NOP14: variants seen among roughly 807,000 people sequenced by gnomAD.
NOP14 encodes the protein nucleolar protein 14.
Under a neutral mutation model 101.6 loss-of-function variants are expected in NOP14, and 57 were observed. That is an observed-to-expected ratio of 0.56 (90% CI 0.45 to 0.70). The LOEUF (loss-of-function observed/expected upper bound fraction) is 0.70, where lower values mean the gene tolerates loss of function less well. NOP14 is among the 30% of genes least tolerant of loss of function. The pLI is 0.00. For synonymous variants in NOP14, 428 were observed against 424.0 expected, an observed-to-expected ratio of 1.01 and a Z score of -0.12; for missense variants, 1,134 against 1,075.5, an observed-to-expected ratio of 1.05 and a Z score of -0.76.
At chr4:2,939,134 A>C (rs1713927746) in intron 17 of NOP14, 54 bp downstream of exon 17, 7 of 1,608,130 alleles carry the variant, frequency 4.4e-6, no homozygotes, top group African/African-American at 1.3e-5. Context: ...AGGGCCACAC[A>C]GCACCAAAGC....
chr4:2,949,832 C>T, intron 8 of NOP14, 102 bp downstream of exon 8: 1 of 1,372,872 alleles, frequency 7.3e-7, no homozygotes, highest in East Asian at 2.3e-5. Flanking sequence ...CCTTGGTCCC[C>T]ATTCCACAAA....
Position 2,952,139 on chromosome 4 carries a change from A to G in NOP14, c.870+136T>C, listed in dbSNP as rs1036218069. ...AAAAAAAAAAAGGTATTCATGAATA[A>G]ATATAAACTTTAAATAGACTAAAAT... On this transcript the variant is annotated intron_variant, in intron 6 of 17. Transcript: ENST00000416614. The G allele has an allele frequency of 5.9e-6, 5 of 850,780 alleles. No homozygotes were observed. The Admixed American group carries it at 1.6e-4, about 27-fold the overall frequency. 52.7% of individuals were successfully genotyped at this position (850,780 alleles called of 1,614,324 possible).
At chr4:2,942,437 C>T in intron 13 of NOP14, 86 bp from the exon 14 acceptor site, 1 of 1,344,490 alleles carries the variant, frequency 7.4e-7, no homozygotes, top group Non-Finnish European at 1.0e-6. Context: ...TGTGGAAGTT[C>T]ACCCTCTAAC....
intron 3 of NOP14, 67 bp downstream of exon 3, chr4:2,956,603 G>C: frequency 6.8e-7 from 1 of 1,467,204 alleles, no homozygotes; most frequent in Admixed American, 2.3e-5. Flanking sequence ...AGAGCAGAAG[G>C]TCTAACAATG....
Position 2,950,061 on chromosome 4 carries a change from G to T in NOP14, c.1155C>A (p.Asn385Lys). 1 of 1,613,978 alleles carries T rather than the reference G, an allele frequency of 6.2e-7. No homozygotes were observed. The highest frequency in any genetic ancestry group is 8.5e-7 in the Non-Finnish European group (1 of 1,179,978). Residue 385 changes from asparagine to lysine, a missense_variant, in exon 8 of 18, where the codon AAC becomes AAA. By Grantham distance (94) the Asn-to-Lys change is moderately conservative. Coordinates refer to ENST00000416614, the MANE Select transcript of NOP14 (RefSeq NM_001291978.2). ...TCTCGTTTTCTTCCTCACTCTCCAC[G>T]TTGGATTCCAGGTCCAAGTGGCTAT... Reference protein sequence around the residue: ...SPDSHLDLESNVESEEENEKP... With the variant: ...SPDSHLDLESKVESEEENEKP...
At chr4:2,960,775 T>C (rs1396752428) in intron 1 of NOP14, among the ~76,000 whole-genome samples, 3 of 135,686 alleles carry the variant, frequency 2.2e-5, no homozygotes, top group Non-Finnish European at 1.5e-5. Flanking sequence ...ATTAATATAT[T>C]AATATTATAA....
At chr4:2,939,439 G>T in intron 16 of NOP14, 88 bp downstream of exon 16, 5 of 1,598,516 alleles carry the variant, frequency 3.1e-6, no homozygotes, top group Non-Finnish European at 4.3e-6. Flanking sequence ...GTAGTCATCT[G>T]CTCAACTGCA....
intron 1 of NOP14, among the ~76,000 whole-genome samples, chr4:2,958,245 G>A (rs557017911): frequency 1.4e-4 from 22 of 152,236 alleles, no homozygotes; most frequent in African/African-American, 3.9e-4. Flanking sequence ...ACACCAAGAG[G>A]AGCAATATTT....
In NOP14 at chr4:2,963,344, G is replaced by C; in HGVS notation, c.-25C>G. 6.5e-7 allele frequency: 1 copy of C among 1,543,540 alleles called. No homozygotes were observed. The highest frequency in any genetic ancestry group is 8.7e-7 in the Non-Finnish European group (1 of 1,151,344). ...TGGCGCGCGCCCCGCTGCGCCCAAG[G>C]GCCCGAGACCCGAAGAGAGACAGGC... is the stretch of plus-strand genomic sequence containing the variant. On this transcript the variant is annotated 5_prime_UTR_variant, in exon 1 of 18. Coordinates refer to ENST00000416614, the MANE Select transcript of NOP14 (RefSeq NM_001291978.2).
intron 3 of NOP14, among the ~76,000 whole-genome samples, chr4:2,955,710 C>T (rs899722092): frequency 6.6e-6 from 1 of 152,262 alleles, no homozygotes; most frequent in African/African-American, 2.4e-5. Flanking sequence ...TAAGGGTCCA[C>T]GAGAAGTCTT....
At chr4:2,950,335 C>G in intron 7 of NOP14, 122 bp from the exon 8 acceptor site, 1 of 1,036,302 alleles carries the variant, frequency 9.6e-7, no homozygotes, top group Non-Finnish European at 1.4e-6. Context: ...GGAACACAAA[C>G]CTGTGTGCTC....
At chr4:2,951,365 G>A (rs1315353793) in intron 6 of NOP14, 120 bp from the exon 7 acceptor site, 1 of 766,562 alleles carries the variant, frequency 1.3e-6, no homozygotes, top group Non-Finnish European at 2.1e-6. Flanking sequence ...TGAGGCTGGT[G>A]CATCCAGCCT....
intron 15 of NOP14, among the ~76,000 whole-genome samples, chr4:2,939,906 C>T (rs952736696): frequency 6.6e-6 from 1 of 152,210 alleles, no homozygotes; most frequent in Non-Finnish European, 1.5e-5. Context: ...CCTGAGAGCA[C>T]TCTCTGAAAG....
Position 2,963,327 on chromosome 4 carries a change from G to A in NOP14, c.-8C>T, listed in dbSNP as rs766720001. On this transcript the variant is annotated 5_prime_UTR_variant, in exon 1 of 18. Transcript: ENST00000416614. The stretch of plus-strand genomic sequence containing the variant: ...CTTCTTCGCCTTCGCCATGGCGCGC[G>A]CCCCGCTGCGCCCAAGGGCCCGAGA... 2 of 1,561,840 alleles carry A rather than the reference G, an allele frequency of 1.3e-6. No homozygotes were observed. The highest frequency in any genetic ancestry group is 1.7e-6 in the Non-Finnish European group (2 of 1,159,210).
chr4:2,960,126 C>T (rs1176303362), intron 1 of NOP14, among the ~76,000 whole-genome samples: 1 of 152,142 alleles, frequency 6.6e-6, no homozygotes, highest in Non-Finnish European at 1.5e-5. Context: ...CACGCTGCCA[C>T]GCCCAGCTAA....
At chr4:2,960,040 G>C (rs1264464660) in intron 1 of NOP14, among the ~76,000 whole-genome samples, 1 of 151,612 alleles carries the variant, frequency 6.6e-6, no homozygotes, top group Non-Finnish European at 1.5e-5. Context: ...CACAATCTCA[G>C]CTCACTACAA....
Position 2,939,226 on chromosome 4 carries a change from C to A in NOP14, c.2436G>T (p.Gln812His), listed in dbSNP as rs1027215629. 6.2e-7 allele frequency: 1 copy of A among 1,614,020 alleles called. No individual in the cohort carries two copies. Among genetic ancestry groups the A allele is most frequent in the South Asian group, 1.1e-5 (1 of 91,090 alleles). Residue 812 changes from glutamine to histidine, a missense_variant, in exon 17 of 18, where the codon CAG becomes CAT. Transcript: ENST00000416614. The part of the protein sequence containing the change: ...GAVREIRKDN[Q>H]FLARMQLSEI... ...CTGAGAGTTGCATCCTCGCCAGGAA[C>A]TGATTGTCCTTGCGGATTTCTCGAA...
Position 2,963,347 on chromosome 4 carries a change from C to A in NOP14, c.-28G>T. On this transcript the variant is annotated 5_prime_UTR_variant, in exon 1 of 18. Coordinates refer to ENST00000416614, the MANE Select transcript of NOP14 (RefSeq NM_001291978.2). ...CGCGCGCCCCGCTGCGCCCAAGGGCCCGAGACCCGAAGAGAGACAGGCGCG... is the reference window on the plus strand; with the variant it reads ...CGCGCGCCCCGCTGCGCCCAAGGGCACGAGACCCGAAGAGAGACAGGCGCG... 6.5e-7 allele frequency: 1 copy of A among 1,533,038 alleles called. No individual in the cohort carries two copies. Among genetic ancestry groups the A allele is most frequent in the South Asian group, 1.2e-5 (1 of 84,078 alleles). The allele number at this position is 1,533,038 out of a possible 1,614,324, so 95.0% of individuals were successfully genotyped here.
chr4:2,941,569 C>T lies in NOP14; in HGVS notation c.2199+13G>A, dbSNP rs749573382. The T allele has an allele frequency of 2.6e-5, 42 of 1,609,362 alleles. No homozygotes were observed. The highest frequency in any genetic ancestry group is 5.0e-5 in the Admixed American group (3 of 59,616). On this transcript the variant is annotated intron_variant, in intron 15 of 17. Transcript: ENST00000416614. ...AGCCCAGGCAGAGCACCCTAGTGGC[C>T]GGGAAGCCTCACCTGGAGCTCCTGC... is the stretch of plus-strand genomic sequence containing the variant.
Sources: allele counts gnomAD v4.1 joint callset (sites outside exome capture counted in the v4.1 genomes callset), GRCh38; gene constraint gnomAD v4.1.1; transcripts MANE v1.5; gene names NCBI Gene and HGNC (gene_info 2026-07-23, HGNC 2026-07-21).